ABR: variants seen among roughly 807,000 people sequenced by gnomAD.
ABR encodes the protein ABR activator of RhoGEF and GTPase.
ABR carries 35 observed loss-of-function variants against 107.2 expected under a neutral mutation model. That is an observed-to-expected ratio of 0.33 (90% CI 0.25 to 0.43). The LOEUF (loss-of-function observed/expected upper bound fraction) is 0.43, where lower values mean the gene tolerates loss of function less well. Among genes scored for constraint, ABR ranks in the 20% least tolerant of loss-of-function variants. ABR has a pLI of 1.00. For missense variants in ABR, 815 were observed against 1,115.2 expected (o/e 0.73, Z 3.83); for synonymous variants, 498 against 462.0 (o/e 1.08, Z -1.00).
chr17:1,027,242 G>A lies in ABR; in HGVS notation c.1792-14078C>T, dbSNP rs917548991. On this transcript the variant is annotated intron_variant, in intron 16 of 22. Transcript: ENST00000302538. This position sits in a 1 kb window ranked among gnomAD's most constrained non-coding sequence, Gnocchi z 4.7. ...AAGCTGGGGCACCGCGCCCAGCACC[G>A]CTGGCTGGCCAAGCCGTCTGTGGCC... Among the ~76,000 whole-genome samples, 19 of 152,214 alleles carry A rather than the reference G, an allele frequency of 1.2e-4. No homozygotes were observed. The highest frequency in any genetic ancestry group is 4.3e-4 in the African/African-American group (18 of 41,460).
chr17:1,035,284 C>G lies in ABR; in HGVS notation c.1791+14766G>C, dbSNP rs111243495. Among the ~76,000 whole-genome samples, 1,394 of 151,100 alleles carry G rather than the reference C, an allele frequency of 9.2e-3. 19 individuals are homozygous for G. Among genetic ancestry groups the G allele is most frequent in the African/African-American group, 0.032 (1,315 of 40,870 alleles). On this transcript the variant is annotated intron_variant, in intron 16 of 22. Transcript: ENST00000302538. ...TGGGTTCAGCTCAGGCTATCCCAAC[C>G]ACCTGGGAAGGGGCCACTCTCCTTC...
rs943528022 is a variant in ABR, at chr17:1,003,573, C to G, written c.*2507G>C. 3 of 152,524 alleles carry G rather than the reference C, an allele frequency of 2.0e-5. No individual in the cohort carries two copies. The highest frequency in any genetic ancestry group is 2.0e-4 in the Admixed American group (3 of 15,266). The allele number at this position is 152,524 out of a possible 1,614,324, so 9.4% of individuals were successfully genotyped here. On this transcript the variant is annotated 3_prime_UTR_variant, in exon 23 of 23. Transcript: ENST00000302538. ...ATTTTTTATTAACATTTTCCTCTCA[C>G]GTGGTTTACATCAATTTATAATAAT...
chr17:1,106,219 A>G (rs2038235220), intron 2 of ABR, among the ~76,000 whole-genome samples: 1 of 152,198 alleles, frequency 6.6e-6, no homozygotes, highest in Non-Finnish European at 1.5e-5. Flanking sequence ...CGTCTTGGAA[A>G]TGACACTGGA....
chr17:1,043,420 C>T (rs1294164886), intron 16 of ABR, among the ~76,000 whole-genome samples: 1 of 152,200 alleles, frequency 6.6e-6, no homozygotes, highest in Admixed American at 6.5e-5. Context: ...CCATCTACCT[C>T]GGCCTCCCAA....
chr17:1,103,029 T>C (rs1265211101), intron 2 of ABR, among the ~76,000 whole-genome samples: 1 of 152,168 alleles, frequency 6.6e-6, no homozygotes, highest in East Asian at 1.9e-4. Context: ...TTTAGATTTC[T>C]GTATAAGAGA....
intron 2 of ABR, among the ~76,000 whole-genome samples, chr17:1,105,873 A>C (rs569970459): frequency 1.7e-3 from 252 of 152,002 alleles, no homozygotes; most frequent in Admixed American, 4.5e-3. Context: ...CTCAAAAGAA[A>C]AAAAAAAATG....
At chr17:1,086,721 G>C (rs1001541625) in intron 4 of ABR, among the ~76,000 whole-genome samples, 1 of 152,120 alleles carries the variant, frequency 6.6e-6, no homozygotes, top group African/African-American at 2.4e-5. Flanking sequence ...GGCTGGTCTT[G>C]AACTCCTGAC....
chr17:1,009,584 C>G, intron 21 of ABR, 95 bp downstream of exon 21: 1 of 1,007,922 alleles, frequency 9.9e-7, no homozygotes, highest in African/African-American at 1.7e-5. Context: ...TACCTTTTCA[C>G]GAGGAGGGAC....
intron 16 of ABR, among the ~76,000 whole-genome samples, chr17:1,028,231 C>T (rs2072390565): frequency 6.6e-6 from 1 of 151,620 alleles, no homozygotes; most frequent in African/African-American, 2.4e-5. Flanking sequence ...GCTGGGATTA[C>T]AGGTGCCCGC....
chr17:1,132,208 C>A (rs565962168), intron 1 of ABR, among the ~76,000 whole-genome samples: 2 of 151,530 alleles, frequency 1.3e-5, no homozygotes, highest in Non-Finnish European at 3.0e-5. Context: ...TGAACACACA[C>A]ACACACAAAG....
intron 16 of ABR, among the ~76,000 whole-genome samples, chr17:1,043,927 G>C (rs1345392901): frequency 6.6e-6 from 1 of 152,234 alleles, no homozygotes; most frequent in Non-Finnish European, 1.5e-5. Flanking sequence ...GGGGTGCAGA[G>C]GGCCCCTCAG....
intron 1 of ABR, among the ~76,000 whole-genome samples, chr17:1,171,201 A>T (rs929594994): frequency 6.6e-6 from 1 of 152,208 alleles, no homozygotes; most frequent in African/African-American, 2.4e-5. Flanking sequence ...AGCCAGAGAA[A>T]TAACTGGCTT....
chr17:1,177,917 C>T (rs1219048585), intron 1 of ABR: 2 of 152,406 alleles, frequency 1.3e-5, no homozygotes, highest in Non-Finnish European at 2.9e-5. Context: ...GGGCCCTGAC[C>T]TTCACCCAAC....
chr17:1,053,931 T>C (rs55709291), intron 14 of ABR, among the ~76,000 whole-genome samples: 5,564 of 152,182 alleles, frequency 0.037, 142 homozygotes, highest in Middle Eastern at 0.058. Flanking sequence ...GGGAGGTCTG[T>C]GGGTCTGGAG....
chr17:1,150,489 C>T lies in ABR; in HGVS notation c.62-25122G>A, dbSNP rs1567828942. Among the ~76,000 whole-genome samples the T allele has an allele frequency of 6.6e-6, 1 of 152,260 alleles. No homozygotes were observed. The highest frequency in any genetic ancestry group is 1.9e-4 in the East Asian group (1 of 5,172). On this transcript the variant is annotated intron_variant, in intron 1 of 22. Coordinates refer to ENST00000302538, the MANE Select transcript of ABR (RefSeq NM_021962.5). This position sits in a 1 kb window ranked among gnomAD's most constrained non-coding sequence, Gnocchi z 4.8. ...GGTGGTGGCCAGGAGCTGCAAGCAG[C>T]GGCACACGTGTGGGCAATACACAGG... is the stretch of plus-strand genomic sequence containing the variant.
intron 1 of ABR, among the ~76,000 whole-genome samples, chr17:1,185,410 C>T (rs554366989): frequency 2.0e-5 from 3 of 152,052 alleles, no homozygotes; most frequent in Non-Finnish European, 2.9e-5. Context: ...TTTGGGAGGC[C>T]GAGGCCAGCG....
At chr17:1,021,949 A>C (rs2071701341) in intron 16 of ABR, among the ~76,000 whole-genome samples, 2 of 151,650 alleles carry the variant, frequency 1.3e-5, no homozygotes, top group Non-Finnish European at 2.9e-5. Context: ...ACTCGAGCTC[A>C]GGAGTTCGAG....
rs79525501 is a variant in ABR, at chr17:1,148,034, C to T, written c.62-22667G>A. 0.04 allele frequency among the ~76,000 whole-genome samples: 6,038 copies of T among 152,222 alleles called. 156 individuals carry two copies. Among genetic ancestry groups the T allele is most frequent in the Middle Eastern group, 0.075 (22 of 294 alleles). On this transcript the variant is annotated intron_variant, in intron 1 of 22. Transcript: ENST00000302538. The surrounding 1 kb of genome is among the most constrained non-coding windows in gnomAD (Gnocchi z 4.9). ...ATGATGGCCCCAGGCTGGTCAATGA[C>T]CCACCCACTCTCCCCAGGCTGGTCA...
upstream of ABR, among the ~76,000 whole-genome samples, chr17:1,191,636 G>T (rs376149394): frequency 6.6e-6 from 1 of 152,042 alleles, no homozygotes; most frequent in Non-Finnish European, 1.5e-5. Flanking sequence ...GACTCCAGGC[G>T]TGAGCACCTG....
Sources: gnomAD v4.1 joint callset for allele counts (sites outside exome capture counted in the v4.1 genomes callset) on GRCh38, gnomAD v4.1.1 for gene constraint, Gnocchi (gnomAD v3.1) non-coding constraint, MANE v1.5 for transcripts, NCBI Gene and HGNC (gene_info 2026-07-23, HGNC 2026-07-21) for gene names.